The following HYCC1 variants were observed in gnomAD, a reference collection of about 807,000 sequenced individuals.
The protein encoded by HYCC1 is hyccin PI4KA lipid kinase complex subunit 1.
chr7:23,003,967 C>T, the HYCC1 span, among the ~76,000 whole-genome samples: 3 of 151,552 alleles, frequency 2.0e-5, no homozygotes, highest in African/African-American at 7.3e-5. Context: ...AGTTGTTTTT[C>T]TTGGTTTAAA....
chr7:22,933,335 G>A, the HYCC1 span, among the ~76,000 whole-genome samples: 5 of 152,088 alleles, frequency 3.3e-5, no homozygotes, highest in East Asian at 1.9e-4. Context: ...TTTTTGCTTC[G>A]TGTATTTTGG....
chr7:22,976,193 C>G, the HYCC1 span: 1 of 1,491,444 alleles, frequency 6.7e-7, no homozygotes, highest in East Asian at 2.3e-5. Context: ...ATTAGAAGCA[C>G]TTGAATTTTA....
chr7:22,950,704 A>G, the HYCC1 span, among the ~76,000 whole-genome samples: 314 of 152,114 alleles, frequency 2.1e-3, 1 homozygote, highest in Non-Finnish European at 3.8e-3. Context: ...GATCATTTTT[A>G]AAATCTATTT....
chr7:22,926,452 G>C, the HYCC1 span, among the ~76,000 whole-genome samples: 16 of 152,150 alleles, frequency 1.1e-4, no homozygotes, highest in Non-Finnish European at 2.1e-4. Context: ...CACGTGCAGA[G>C]ACACATATAG....
the HYCC1 span, chr7:22,964,469 A>G: frequency 6.2e-7 from 1 of 1,611,982 alleles, no homozygotes; most frequent in Non-Finnish European, 8.5e-7. Flanking sequence ...AGAAACTGGT[A>G]TCCTGCTACT....
At chr7:22,897,786 T>A in the HYCC1 span, among the ~76,000 whole-genome samples, 4 of 151,950 alleles carry the variant, frequency 2.6e-5, no homozygotes, top group African/African-American at 9.7e-5. Flanking sequence ...TGTGTGTTTT[T>A]AAAATTTATT....
the HYCC1 span, among the ~76,000 whole-genome samples, chr7:22,931,568 TA>T: frequency 6.6e-6 from 1 of 152,280 alleles, no homozygotes; most frequent in South Asian, 2.1e-4. Context: ...TAAATTGCTT[TA>T]AAAAGTTTGC....
At chr7:22,979,551 CTGGT>C in the HYCC1 span, among the ~76,000 whole-genome samples, 3 of 152,240 alleles carry the variant, frequency 2.0e-5, no homozygotes, top group South Asian at 6.2e-4. Context: ...GAAAGAATGA[CTGGT>C]TAGGGATATT....
the HYCC1 span, among the ~76,000 whole-genome samples, chr7:23,001,589 A>G: frequency 3.3e-5 from 5 of 152,186 alleles, no homozygotes; most frequent in African/African-American, 1.2e-4. Flanking sequence ...CAGGTTGAGA[A>G]CTATAGGGTA....
the HYCC1 span, chr7:22,947,106 T>G: frequency 3.9e-6 from 6 of 1,550,368 alleles, no homozygotes; most frequent in Non-Finnish European, 5.2e-6. Flanking sequence ...CTGCACACCC[T>G]GTATATGCTG....
At chr7:22,928,366 C>T in the HYCC1 span, among the ~76,000 whole-genome samples, 1 of 152,026 alleles carries the variant, frequency 6.6e-6, no homozygotes, top group Non-Finnish European at 1.5e-5. Context: ...AAATAAAGGG[C>T]ACTCAATTAG....
chr7:22,947,328 C>T, the HYCC1 span: 1 of 1,159,496 alleles, frequency 8.6e-7, no homozygotes, highest in Non-Finnish European at 1.2e-6. Flanking sequence ...AGACTCAAAA[C>T]AAAAATTAGA....
chr7:22,916,725 G>T, the HYCC1 span, among the ~76,000 whole-genome samples: 1 of 151,858 alleles, frequency 6.6e-6, no homozygotes, highest in Admixed American at 6.6e-5. Flanking sequence ...GTTCTACCAG[G>T]CCTAATTGCC....
the HYCC1 span, among the ~76,000 whole-genome samples, chr7:22,984,231 G>T: frequency 6.6e-6 from 1 of 152,050 alleles, no homozygotes; most frequent in Admixed American, 6.6e-5. Flanking sequence ...TGCTGGCATT[G>T]GTTGTACAAC....
At chr7:22,907,938 T>C in the HYCC1 span, among the ~76,000 whole-genome samples, 2 of 151,972 alleles carry the variant, frequency 1.3e-5, no homozygotes, top group Admixed American at 1.3e-4. Context: ...ATATGCAGAT[T>C]TTTATGCTTC....
chr7:22,994,132 C>T, the HYCC1 span, among the ~76,000 whole-genome samples: 1 of 152,150 alleles, frequency 6.6e-6, no homozygotes, highest in Non-Finnish European at 1.5e-5. Context: ...AGGAGTGTAC[C>T]ACATGCTTGG....
At chr7:22,929,496 GA>G in the HYCC1 span, among the ~76,000 whole-genome samples, 2 of 151,856 alleles carry the variant, frequency 1.3e-5, no homozygotes, top group Admixed American at 1.3e-4. Context: ...AAATTTACAA[GA>G]AAAAAACAAA....
the HYCC1 span, among the ~76,000 whole-genome samples, chr7:22,997,398 T>A: frequency 3.3e-4 from 51 of 152,286 alleles, no homozygotes; most frequent in East Asian, 8.1e-3. Flanking sequence ...TAAGTTTCTA[T>A]AAATTTATAG....
At chr7:22,993,858 G>C in the HYCC1 span, among the ~76,000 whole-genome samples, 1 of 152,138 alleles carries the variant, frequency 6.6e-6, no homozygotes, top group African/African-American at 2.4e-5. Flanking sequence ...CTCTAAACTT[G>C]AGGATATATA....
Sources: allele counts gnomAD v4.1 joint callset (sites outside exome capture counted in the v4.1 genomes callset), GRCh38; gene constraint gnomAD v4.1.1; transcripts MANE v1.5; gene names NCBI Gene and HGNC (gene_info 2026-07-23, HGNC 2026-07-21).